Variants in COL2A1 observed in about 807,000 individuals in gnomAD.
COL2A1 encodes collagen type II alpha 1 chain, also known as collagen alpha-1(II) chain.
Under a neutral mutation model 204.5 loss-of-function variants are expected in COL2A1, and 28 were observed. That is an observed-to-expected ratio of 0.14 (90% CI 0.10 to 0.19). The LOEUF (loss-of-function observed/expected upper bound fraction) is 0.19, where lower values mean the gene tolerates loss of function less well. COL2A1 is among the 10% of genes least tolerant of loss of function. The pLI, the probability that COL2A1 is intolerant of heterozygous loss-of-function variation, is 1.00. For missense variants in COL2A1, 1,388 were observed against 2,027.5 expected, an observed-to-expected ratio of 0.68 and a Z score of 6.06; for synonymous variants, 708 against 718.7, an observed-to-expected ratio of 0.99 and a Z score of 0.24.
Position 47,981,885 on chromosome 12 carries a change from C to A in COL2A1, c.2356-56G>T, listed in dbSNP as rs41263861. On this transcript the variant is annotated intron_variant, in intron 35 of 53. Coordinates refer to ENST00000380518, the MANE Select transcript of COL2A1 (RefSeq NM_001844.5). ...GCAGGCTGAGCCAGCCGAGCACGTGCGGCCCGGCACCAAGCCAACCTTGGT... is the reference window on the plus strand; with the variant it reads ...GCAGGCTGAGCCAGCCGAGCACGTGAGGCCCGGCACCAAGCCAACCTTGGT... 0.063 allele frequency: 96,268 copies of A among 1,527,782 alleles called. 3,433 individuals carry two copies. The highest frequency in any genetic ancestry group is 0.072 in the Non-Finnish European group (80,825 of 1,123,718). 94.6% of individuals were successfully genotyped at this position (1,527,782 alleles called of 1,614,324 possible).
At chr12:47,997,988 C>T (rs372953072) in intron 5 of COL2A1, 44 bp downstream of exon 5, 71 of 1,614,122 alleles carry the variant, frequency 4.4e-5, no homozygotes, top group African/African-American at 4.0e-4. Context: ...GTAACTTGCG[C>T]GCAGCGAGGA....
Position 47,980,592 on chromosome 12 carries a change from G to C in COL2A1, c.2587C>G (p.Pro863Ala). Reference protein sequence around the residue: ...EAGQKGDAGAPGPQGPSGAPG... With the variant: ...EAGQKGDAGAAGPQGPSGAPG... ...GCTCCAGAGGGGCCCTGAGGACCAG[G>C]GGCACCAGCATCGCCTTTCTGGCCG... Residue 863 changes from proline (P) to alanine (A), a missense_variant, in exon 39 of 54, where the codon CCT becomes GCT. Physicochemically the swap from Pro to Ala is conservative, Grantham distance 27. Transcript: ENST00000380518. The surrounding 1 kb of genome is among the most constrained non-coding windows in gnomAD (Gnocchi z 4.5). 1 of 1,612,572 alleles carries C rather than the reference G, an allele frequency of 6.2e-7. No homozygotes were observed. Among genetic ancestry groups the C allele is most frequent in the Non-Finnish European group, 8.5e-7 (1 of 1,179,564 alleles).
chr12:47,983,171 G>T (rs193292157), intron 31 of COL2A1, 34 bp from the exon 32 acceptor site: 1 of 1,607,892 alleles, frequency 6.2e-7, no homozygotes, highest in South Asian at 1.1e-5. Flanking sequence ...GAGAGTGAAG[G>T]CTTCATATCA....
chr12:48,006,080 C>T (rs1940456691), upstream of COL2A1: 1 of 152,274 alleles, frequency 6.6e-6, no homozygotes, highest in African/African-American at 2.4e-5. Flanking sequence ...TCTGAGTCTC[C>T]ATGCTCCCAT....
At chr12:47,973,714 C>A (rs1432136091) in intron 53 of COL2A1, among the ~76,000 whole-genome samples, 161 bp from the exon 54 acceptor site, 1 of 152,070 alleles carries the variant, frequency 6.6e-6, no homozygotes. Context: ...TTGCCAAAGG[C>A]CTCTCCACTT....
intron 27 of COL2A1, 83 bp downstream of exon 27, chr12:47,984,912 T>G: frequency 8.4e-7 from 1 of 1,194,162 alleles, no homozygotes; most frequent in Non-Finnish European, 1.2e-6. Context: ...TAAACTCTAC[T>G]CAGGACCCAG....
At chr12:47,995,597 C>G in intron 10 of COL2A1, 113 bp downstream of exon 10, 1 of 1,130,700 alleles carries the variant, frequency 8.8e-7, no homozygotes, top group South Asian at 1.2e-5. Context: ...TCCTTGGGGC[C>G]ACCGACTGTG....
At position 47,983,966 on chromosome 12, in the gene COL2A1, T is replaced by C. The variant is rs1246669958; in HGVS notation, c.1941+121A>G. 6 of 1,012,030 alleles carry C rather than the reference T, an allele frequency of 5.9e-6. No homozygotes were observed. The African/African-American group carries it at 9.6e-5, about 16-fold the overall frequency. The allele number at this position is 1,012,030 out of a possible 1,614,324, so 62.7% of individuals were successfully genotyped here. On this transcript the variant is annotated intron_variant, in intron 29 of 53. Coordinates refer to ENST00000380518, the MANE Select transcript of COL2A1 (RefSeq NM_001844.5). Reference sequence around the variant, plus strand: ...ACCCTGCCTCAGCTCAGAGTGAGTCTGGTGTATCAGCTCAGCCCACATTCA... The same window carrying C: ...ACCCTGCCTCAGCTCAGAGTGAGTCCGGTGTATCAGCTCAGCCCACATTCA...
intron 18 of COL2A1, among the ~76,000 whole-genome samples, chr12:47,988,091 T>A (rs1939526003): frequency 6.6e-6 from 1 of 152,128 alleles, no homozygotes; most frequent in Admixed American, 6.5e-5. Context: ...CACCGCTCTC[T>A]CCCCCACCTC....
intron 36 of COL2A1, 102 bp downstream of exon 36, chr12:47,981,674 G>A: frequency 1.5e-6 from 2 of 1,320,538 alleles, no homozygotes; most frequent in Non-Finnish European, 1.1e-6. Flanking sequence ...GGCCGAGGGT[G>A]ACAGTGGTGA....
intron 2 of COL2A1, chr12:47,998,705 A>G: frequency 2.1e-6 from 1 of 466,006 alleles, no homozygotes; most frequent in African/African-American, 2.0e-5. Context: ...GGGCAGCACA[A>G]AAAGGCAATG....
chr12:47,984,321 C>T (rs1020579997), intron 28 of COL2A1, among the ~76,000 whole-genome samples, 181 bp from the exon 29 acceptor site: 1 of 152,156 alleles, frequency 6.6e-6, no homozygotes, highest in Admixed American at 6.5e-5. Context: ...CTTAGCTGTT[C>T]TCAGCATGGA....
intron 44 of COL2A1, 80 bp from the exon 45 acceptor site, chr12:47,977,733 G>T: frequency 1.4e-6 from 2 of 1,468,878 alleles, no homozygotes; most frequent in Admixed American, 1.8e-5. Flanking sequence ...CCTCTCAGAA[G>T]CCCAGGCCTC....
chr12:47,976,953 C>A lies in COL2A1; in HGVS notation c.3328-34G>T. ...AAGACAGACACCGATTGAGTCAGGT[C>A]AGGGCCAGGACAGGAGCCCCCTCCT... On this transcript the variant is annotated intron_variant, in intron 47 of 53. Transcript: ENST00000380518. The surrounding 1 kb of genome is among the most constrained non-coding windows in gnomAD (Gnocchi z 4.3). 6 of 1,569,290 alleles carry A rather than the reference C, an allele frequency of 3.8e-6. No individual in the cohort carries two copies. The highest frequency in any genetic ancestry group is 5.2e-6 in the Non-Finnish European group (6 of 1,152,156).
chr12:47,997,633 G>T lies in COL2A1; in HGVS notation c.504C>A (p.Gly168=), dbSNP rs3737548. 0.22 allele frequency: 349,606 copies of T among 1,613,434 alleles called. 39,107 individuals carry two copies. Among genetic ancestry groups the T allele is most frequent in the East Asian group, 0.29 (13,041 of 44,854 alleles). The change falls in exon 7 of 54, where the codon GGC becomes GGA. Residue 168 remains glycine, a synonymous_variant. Transcript: ENST00000380518. ...PGNPGPPGPP[G]PPGPPGLGGN... is the part of the protein sequence containing the mutation. ...CACCAAGACCAGGGGGACCAGGGGG[G>T]CCGGGAGGACCAGGGGGGCCAGGAT...
rs941011204 is a variant in COL2A1, at chr12:47,974,936, G to C, written c.3887-74C>G. 2.2e-5 allele frequency: 32 copies of C among 1,448,816 alleles called. No homozygotes were observed. The African/African-American group carries it at 3.8e-4, about 17-fold the overall frequency. 89.7% of individuals were successfully genotyped at this position (1,448,816 alleles called of 1,614,324 possible). A position where few individuals can be genotyped will look rare whatever the true frequency, so the allele number is the denominator to read the frequency against. ...ACAAAAGCTTGAGAGACCCAGGCCT[G>C]ACTGAAAGAGACAGAGAGGCCTACA... On this transcript the variant is annotated intron_variant, in intron 51 of 53. Transcript: ENST00000380518.
At chr12:47,991,289 C>T (rs1230555711) in intron 16 of COL2A1, among the ~76,000 whole-genome samples, 1 of 152,338 alleles carries the variant, frequency 6.6e-6, no homozygotes, top group South Asian at 2.1e-4. Context: ...CATCTGCCAC[C>T]TCTCCCTGCA....
At chr12:47,994,347 C>G (rs976214112) in intron 12 of COL2A1, 77 bp downstream of exon 12, 1 of 1,489,484 alleles carries the variant, frequency 6.7e-7, no homozygotes, top group Non-Finnish European at 9.3e-7. Flanking sequence ...CCTCATTGAA[C>G]TGGATGCACT....
rs571413745 is a variant in COL2A1 at position 47,984,690 on chromosome 12, C to T, written c.1834-91G>A. 6 of 1,218,588 alleles carry T rather than the reference C, an allele frequency of 4.9e-6. No homozygotes were observed. In the African/African-American group the frequency reaches 5.9e-5, roughly 12 times the overall value. 75.5% of individuals were successfully genotyped at this position (1,218,588 alleles called of 1,614,324 possible). ...CTGCAGGGACTGAGGCCTGGGGCCA[C>T]ATCCTGATGGACAGCCAAGATAAAG... On this transcript the variant is annotated intron_variant, in intron 27 of 53. Coordinates refer to ENST00000380518, the MANE Select transcript of COL2A1 (RefSeq NM_001844.5).
Sources: gnomAD v4.1 joint callset for allele counts (sites outside exome capture counted in the v4.1 genomes callset) on GRCh38, gnomAD v4.1.1 for gene constraint, Gnocchi (gnomAD v3.1) non-coding constraint, MANE v1.5 for transcripts, NCBI Gene and HGNC (gene_info 2026-07-23, HGNC 2026-07-21) for gene names.